USP34: variants seen among roughly 807,000 people sequenced by gnomAD.
USP34 encodes the protein ubiquitin specific peptidase 34.
In USP34, 70 loss-of-function variants were observed where a neutral mutation model predicts 460.3. The ratio of observed to expected loss-of-function variants is 0.15; its 90% CI spans 0.13 to 0.19. The LOEUF is 0.19. Among genes scored for constraint, USP34 ranks in the 10% least tolerant of loss-of-function variants. The probability of loss-of-function intolerance (pLI) is 1.00; values close to 1 mark genes in which losing one functional copy is unlikely to be tolerated. For missense variants in USP34, 3,985 were observed against 4,236.2 expected (o/e 0.94, Z 1.65); for synonymous variants, 1,647 against 1,405.3 (o/e 1.17, Z -3.85).
rs779375945 is a variant in USP34 at position 61,265,513 on chromosome 2, G to T, written c.5662C>A (p.Arg1888Ser). 1.5e-5 allele frequency: 24 copies of T among 1,612,806 alleles called. No homozygotes were observed. The highest frequency in any genetic ancestry group is 8.5e-7 in the Non-Finnish European group (1 of 1,179,398). ...KWDYWPHEDVRAECRFVGLTN... is the reference protein window; with the variant it reads ...KWDYWPHEDVSAECRFVGLTN... ...AGGCCAACAAATCTACATTCAGCACGGACATCTTCATGAGGCCAGTAATCC... is the reference window on the plus strand; with the variant it reads ...AGGCCAACAAATCTACATTCAGCACTGACATCTTCATGAGGCCAGTAATCC... The change falls in exon 43 of 80, where the codon CGT becomes AGT. Residue 1888 changes from arginine (R) to serine (S), a missense_variant. Arg to Ser is a moderately radical substitution (Grantham distance 110). Around this residue, in one of 14 missense-constraint regions of USP34, gnomAD observed 145 missense variants for 291.6 expected, o/e 0.50. Coordinates refer to ENST00000398571, the MANE Select transcript of USP34 (RefSeq NM_014709.4).
rs532557887 is a variant in USP34 at position 61,322,869 on chromosome 2, T to C, written c.3013+2506A>G. ...ATTAAGGAGAACAAGATAAAGAGTA[T>C]CCAGGTTAATTATAGTCAACTAAAT... On this transcript the variant is annotated intron_variant, in intron 21 of 79. Coordinates refer to ENST00000398571, the MANE Select transcript of USP34 (RefSeq NM_014709.4). 2.0e-5 allele frequency among the ~76,000 whole-genome samples: 3 copies of C among 152,268 alleles called. No individual in the cohort carries two copies. The East Asian group carries it at 5.8e-4, about 29-fold the overall frequency.
chr2:61,421,019 G>A lies in USP34; in HGVS notation c.44-186C>T, dbSNP rs181959816. Reference sequence around the variant, plus strand: ...ACTTAAGAACAGATTTTTGACAGATGTAAGGGGTGGGGGGGGCAGTGAGAC... The same window carrying A: ...ACTTAAGAACAGATTTTTGACAGATATAAGGGGTGGGGGGGGCAGTGAGAC... On this transcript the variant is annotated intron_variant, in intron 1 of 79. Coordinates refer to ENST00000398571, the MANE Select transcript of USP34 (RefSeq NM_014709.4). Among the ~76,000 whole-genome samples, 40 of 151,818 alleles carry A rather than the reference G, an allele frequency of 2.6e-4. 1 individual carries two copies. The highest frequency in any genetic ancestry group is 2.1e-3 in the Admixed American group (32 of 15,254).
In USP34 at chr2:61,350,524, C is replaced by T. The variant is rs372691862; in HGVS notation, c.1377+44G>A. On this transcript the variant is annotated intron_variant, in intron 11 of 79. Coordinates refer to ENST00000398571, the MANE Select transcript of USP34 (RefSeq NM_014709.4). ...TATCTGAATCACAAGGAAATTTTCA[C>T]TTCACGGGAAAAAAAAAAAACTATC... The T allele has an allele frequency of 6.4e-6, 10 of 1,564,620 alleles. 2 individuals are homozygous for T. The South Asian group carries it at 1.2e-4, about 19-fold the overall frequency.
At chr2:61,195,423 C>T (rs1023307247) in intron 75 of USP34, among the ~76,000 whole-genome samples, 5 of 151,258 alleles carry the variant, frequency 3.3e-5, no homozygotes, top group Non-Finnish European at 5.9e-5. Context: ...CCTGTAACCC[C>T]AGCACTTTGG....
chr2:61,461,613 C>T (rs928769815), intron 1 of USP34, among the ~76,000 whole-genome samples: 2 of 152,118 alleles, frequency 1.3e-5, no homozygotes, highest in African/African-American at 4.8e-5. Flanking sequence ...CCTCAGCCTC[C>T]TGAGTAGCTG....
intron 34 of USP34, among the ~76,000 whole-genome samples, chr2:61,286,314 T>C (rs17007989): frequency 0.16 from 24,429 of 151,938 alleles, 2,324 homozygotes; most frequent in South Asian, 0.37. Context: ...TTTTGGGAAA[T>C]AAACTCATGC....
At chr2:61,313,153 A>C (rs539042077) in intron 25 of USP34, among the ~76,000 whole-genome samples, 1 of 152,254 alleles carries the variant, frequency 6.6e-6, no homozygotes, top group African/African-American at 2.4e-5. Flanking sequence ...AGTAACAAAA[A>C]ATTTTTATAT....
chr2:61,258,535 G>A (rs1175042167), intron 44 of USP34, among the ~76,000 whole-genome samples: 2 of 152,088 alleles, frequency 1.3e-5, no homozygotes, highest in African/African-American at 2.4e-5. Context: ...AGAAAATGGA[G>A]AAGAGTGACA....
chr2:61,372,475 T>A lies in USP34; in HGVS notation c.1077-1896A>T, dbSNP rs1692656478. ...CTGGTGCTGTGGTTCACACCTGTAA[T>A]CCTAGCACTTTGGGAGACTGAGGTC... is the stretch of plus-strand genomic sequence containing the variant. On this transcript the variant is annotated intron_variant, in intron 8 of 79. Transcript: ENST00000398571. 3.9e-5 allele frequency among the ~76,000 whole-genome samples: 6 copies of A among 152,312 alleles called. 1 individual carries two copies. The South Asian group carries it at 1.2e-3, about 32-fold the overall frequency.
chr2:61,393,652 A>G (rs921100275), intron 5 of USP34, among the ~76,000 whole-genome samples: 4 of 152,118 alleles, frequency 2.6e-5, no homozygotes, highest in African/African-American at 9.7e-5. Flanking sequence ...TGGTTGAGTC[A>G]CTTTTCACCC....
At chr2:61,290,293 G>A (rs759778718) in intron 33 of USP34, among the ~76,000 whole-genome samples, 7 of 152,020 alleles carry the variant, frequency 4.6e-5, no homozygotes, top group Non-Finnish European at 8.8e-5. Context: ...TTCTTATAAG[G>A]TTAATCTTAC....
intron 37 of USP34, among the ~76,000 whole-genome samples, chr2:61,281,618 TAATA>T (rs2103957747): frequency 1.3e-5 from 2 of 152,200 alleles, no homozygotes; most frequent in Non-Finnish European, 2.9e-5. Context: ...TAAAAATAAT[TAATA>T]AATATAATGT....
intron 57 of USP34, among the ~76,000 whole-genome samples, chr2:61,235,197 A>G (rs1270236689): frequency 6.6e-6 from 1 of 152,188 alleles, no homozygotes; most frequent in Non-Finnish European, 1.5e-5. Context: ...ATCATTTTGT[A>G]TACCTTGAAT....
At chr2:61,433,309 C>G (rs1291300492) in intron 1 of USP34, among the ~76,000 whole-genome samples, 2 of 152,168 alleles carry the variant, frequency 1.3e-5, no homozygotes, top group Non-Finnish European at 2.9e-5. Context: ...CCAGCACTCC[C>G]ATTACCACCA....
chr2:61,363,421 C>T (rs1692331464), intron 10 of USP34, among the ~76,000 whole-genome samples: 1 of 152,152 alleles, frequency 6.6e-6, no homozygotes, highest in African/African-American at 2.4e-5. Flanking sequence ...TTGTGAACAT[C>T]AGAGCATACT....
chr2:61,293,428 T>C, intron 33 of USP34, 36 bp downstream of exon 33: 1 of 1,521,780 alleles, frequency 6.6e-7, no homozygotes, highest in Non-Finnish European at 9.1e-7. Context: ...ATGGGATAAC[T>C]ACTGTAACTA....
chr2:61,208,051 C>T (rs1687168464), intron 70 of USP34: 1 of 152,314 alleles, frequency 6.6e-6, no homozygotes, highest in African/African-American at 2.4e-5. Context: ...GAAGCATAAA[C>T]AGCTGATTTT....
intron 1 of USP34, among the ~76,000 whole-genome samples, chr2:61,421,204 GGA>G (rs1281619462): frequency 6.6e-6 from 1 of 152,184 alleles, no homozygotes; most frequent in Non-Finnish European, 1.5e-5. Context: ...GAAGGCAGGA[GGA>G]GAGACCAAAG....
At chr2:61,312,019 A>G in intron 25 of USP34, 109 bp from the exon 26 acceptor site, 3 of 1,353,850 alleles carry the variant, frequency 2.2e-6, no homozygotes, top group Non-Finnish European at 3.0e-6. Context: ...AGAAGTTCTA[A>G]GTTCATTCCA....
Sources: gnomAD v4.1 joint callset for allele counts (sites outside exome capture counted in the v4.1 genomes callset) on GRCh38, gnomAD v4.1.1 for gene constraint, gnomAD v4.1.1 regional missense constraint, MANE v1.5 for transcripts, NCBI Gene and HGNC (gene_info 2026-07-23, HGNC 2026-07-21) for gene names.